DPYD: variants seen among roughly 807,000 people sequenced by gnomAD.
DPYD encodes the protein dihydropyrimidine dehydrogenase.
In DPYD, 109 loss-of-function variants were observed where a neutral mutation model predicts 116.2. The ratio of observed to expected loss-of-function variants is 0.94; its 90% CI spans 0.80 to 1.10. The LOEUF (loss-of-function observed/expected upper bound fraction) is 1.10. Ranked by LOEUF, DPYD falls within the 50% of genes least tolerant of loss-of-function variation. The probability of loss-of-function intolerance (pLI) is 0.00; values close to 1 mark genes in which losing one functional copy is unlikely to be tolerated. For missense variants in DPYD, 1,302 were observed against 1,254.5 expected (o/e 1.04, Z -0.57); for synonymous variants, 440 against 432.0 (o/e 1.02, Z -0.23).
chr1:97,489,108 T>A (rs1455645383), intron 13 of DPYD, among the ~76,000 whole-genome samples: 1 of 152,230 alleles, frequency 6.6e-6, no homozygotes. Context: ...GTACAAAAAA[T>A]GTAGTTGAAG....
chr1:97,326,070 G>T (rs1440974081), intron 16 of DPYD, among the ~76,000 whole-genome samples: 1 of 151,658 alleles, frequency 6.6e-6, no homozygotes, highest in African/African-American at 2.4e-5. Flanking sequence ...GAGAAGGTAT[G>T]GCTAATGTGA....
intron 3 of DPYD, among the ~76,000 whole-genome samples, chr1:97,747,937 T>C (rs1664647933): frequency 1.3e-5 from 2 of 152,196 alleles, no homozygotes; most frequent in African/African-American, 2.4e-5. Flanking sequence ...TTAAAGATTA[T>C]ACCCTTATAT....
chr1:97,699,203 T>C, intron 6 of DPYD, 148 bp downstream of exon 6: 6 of 872,846 alleles, frequency 6.9e-6, no homozygotes, highest in Admixed American at 2.7e-5. Flanking sequence ...GTGAATAATG[T>C]AATCAAAACT....
chr1:97,785,037 CAAAT>C (rs1666946264), intron 3 of DPYD, among the ~76,000 whole-genome samples: 1 of 152,084 alleles, frequency 6.6e-6, no homozygotes, highest in African/African-American at 2.4e-5. Context: ...TTAATAAACA[CAAAT>C]AAATTTATTA....
rs1214282631 is a variant in DPYD, at chr1:97,691,724, C to T, written c.755G>A (p.Gly252Asp). 4 of 1,613,320 alleles carry T rather than the reference C, an allele frequency of 2.5e-6. No homozygotes were observed. Among genetic ancestry groups the T allele is most frequent in the Non-Finnish European group, 3.4e-6 (4 of 1,179,616 alleles). ...GGTGTTTTTTTCATTTACCTTTACA[C>T]CAAGGTCCTTCATTAGCTCAATCTC... ...NFEIELMKDL[G>D]VKIICGKSLS... Residue 252 changes from glycine to aspartate, a missense_variant, in exon 7 of 23, where the codon GGT becomes GAT. Physicochemically the swap from Gly to Asp is moderately conservative, Grantham distance 94 (BLOSUM62 -1). Transcript: ENST00000370192.
intron 19 of DPYD, among the ~76,000 whole-genome samples, chr1:97,193,860 G>T (rs1392942776): frequency 6.6e-6 from 1 of 152,136 alleles, no homozygotes; most frequent in Non-Finnish European, 1.5e-5. Context: ...CTGGCTAGAA[G>T]GCCTTTCTTT....
chr1:97,418,520 G>A (rs943677056), intron 14 of DPYD, among the ~76,000 whole-genome samples: 9 of 151,938 alleles, frequency 5.9e-5, no homozygotes, highest in Non-Finnish European at 1.3e-4. Flanking sequence ...GACTGGTTTC[G>A]AACTCCTGAC....
At chr1:97,286,288 C>T (rs7526933) in intron 18 of DPYD, among the ~76,000 whole-genome samples, 38,559 of 151,920 alleles carry the variant, frequency 0.25, 5,640 homozygotes, top group Admixed American at 0.39. Flanking sequence ...CTGAGAGATC[C>T]GCTGTTAGTC....
At chr1:97,355,687 T>G (rs1670394787) in intron 16 of DPYD, among the ~76,000 whole-genome samples, 1 of 152,178 alleles carries the variant, frequency 6.6e-6, no homozygotes, top group African/African-American at 2.4e-5. Context: ...AATATTTGTC[T>G]CTCTAGGCCT....
Position 97,749,090 on chromosome 1 carries a change from G to A in DPYD, c.234-8611C>T, listed in dbSNP as rs1407126451. Reference sequence around the variant, plus strand: ...TCCACACATTATCTCTAGCTATTCTGTACAGCCTATCTCCCTTCCCTTTCT... The same window carrying A: ...TCCACACATTATCTCTAGCTATTCTATACAGCCTATCTCCCTTCCCTTTCT... On this transcript the variant is annotated intron_variant, in intron 3 of 22. Transcript: ENST00000370192. Among the ~76,000 whole-genome samples, 5 of 152,236 alleles carry A rather than the reference G, an allele frequency of 3.3e-5. No homozygotes were observed. In the East Asian group the frequency reaches 9.7e-4, roughly 29 times the overall value.
intron 20 of DPYD, among the ~76,000 whole-genome samples, chr1:97,116,239 A>G (rs777188175): frequency 6.6e-6 from 1 of 152,284 alleles, no homozygotes; most frequent in Non-Finnish European, 1.5e-5. Flanking sequence ...TTTTTTAGGT[A>G]TTGATCCCTC....
Position 97,189,590 on chromosome 1 carries a change from A to G in DPYD, c.2622+3479T>C, listed in dbSNP as rs561365300. 7.2e-4 allele frequency among the ~76,000 whole-genome samples: 109 copies of G among 152,302 alleles called. 2 individuals carry two copies. The highest frequency in any genetic ancestry group is 2.5e-3 in the African/African-American group (103 of 41,576). ...CCATAATTAAAAGTGCCAAATAGTA[A>G]TGTTTTCTTTTCTGAAATCACTAAA... On this transcript the variant is annotated intron_variant, in intron 20 of 22. Transcript: ENST00000370192.
chr1:97,829,608 T>G (rs1027307928), intron 2 of DPYD, among the ~76,000 whole-genome samples: 1 of 152,140 alleles, frequency 6.6e-6, no homozygotes, highest in East Asian at 1.9e-4. Context: ...TTTAAGAAAT[T>G]TAAAAACTTT....
chr1:97,150,267 T>TA (rs34447969), intron 20 of DPYD, among the ~76,000 whole-genome samples: 45,964 of 148,558 alleles, frequency 0.31, 7,905 homozygotes, highest in East Asian at 0.64. Context: ...CACTGTATCT[T>TA]AAAAAAAAAA....
At chr1:97,750,930 G>A (rs1354112647) in intron 3 of DPYD, among the ~76,000 whole-genome samples, 1 of 151,988 alleles carries the variant, frequency 6.6e-6, no homozygotes, top group South Asian at 2.1e-4. Flanking sequence ...CTGAGTATTT[G>A]GTGGCTCATA....
At chr1:97,579,584 AC>A (rs1444607023) in intron 10 of DPYD, among the ~76,000 whole-genome samples, 1 of 152,254 alleles carries the variant, frequency 6.6e-6, no homozygotes, top group Non-Finnish European at 1.5e-5. Flanking sequence ...GCCTTCTGTG[AC>A]AAGTAATTCA....
intron 20 of DPYD, among the ~76,000 whole-genome samples, chr1:97,163,861 C>T (rs934931476): frequency 1.3e-5 from 2 of 152,226 alleles, no homozygotes; most frequent in East Asian, 3.9e-4. Flanking sequence ...AACCACAGCA[C>T]CCTCTTTTAG....
intron 14 of DPYD, among the ~76,000 whole-genome samples, chr1:97,383,477 AAAAAAAAAAAAG>A (rs945928309): frequency 2.7e-5 from 4 of 146,738 alleles, no homozygotes; most frequent in African/African-American, 7.5e-5. Flanking sequence ...CTCTGTCTCA[AAAAAAAAAAAAG>A]AAAAAAAGAA....
chr1:97,123,221 A>G (rs1652582510), intron 20 of DPYD, among the ~76,000 whole-genome samples: 1 of 152,160 alleles, frequency 6.6e-6, no homozygotes, highest in Non-Finnish European at 1.5e-5. Context: ...ATCTTTACAT[A>G]GAAGAAACAT....
Sources: allele counts gnomAD v4.1 joint callset (sites outside exome capture counted in the v4.1 genomes callset), GRCh38; gene constraint gnomAD v4.1.1; transcripts MANE v1.5; gene names NCBI Gene and HGNC (gene_info 2026-07-23, HGNC 2026-07-21).